Variants in AOPEP observed in about 807,000 individuals in gnomAD.
AOPEP encodes aminopeptidase O (putative), also known as aminopeptidase O.
A neutral mutation model predicts 98.1 loss-of-function variants in AOPEP; 77 were observed. The observed-to-expected ratio is 0.78, with a 90% CI of 0.65 to 0.95. The LOEUF is 0.95. Among genes scored for constraint, AOPEP ranks in the 40% least tolerant of loss-of-function variants. AOPEP has a pLI of 0.00. For missense variants in AOPEP, 1,024 were observed against 1,024.7 expected, an observed-to-expected ratio of 1.00 and a Z score of 0.01; for synonymous variants, 346 against 365.3, an observed-to-expected ratio of 0.95 and a Z score of 0.60.
At chr9:94,896,729 G>A (rs1173083348) in intron 5 of AOPEP, among the ~76,000 whole-genome samples, 1 of 152,102 alleles carries the variant, frequency 6.6e-6, no homozygotes, top group African/African-American at 2.4e-5. Context: ...CAAAATCTAG[G>A]AATGTCTGAG....
chr9:94,770,787 T>C (rs1174133425), intron 2 of AOPEP, among the ~76,000 whole-genome samples: 1 of 152,192 alleles, frequency 6.6e-6, no homozygotes, highest in Non-Finnish European at 1.5e-5. Context: ...TGTATACTTG[T>C]AGAATAAGTG....
intron 5 of AOPEP, among the ~76,000 whole-genome samples, chr9:94,894,377 C>G (rs1028078061): frequency 6.6e-6 from 1 of 152,070 alleles, no homozygotes; most frequent in Non-Finnish European, 1.5e-5. Flanking sequence ...TCATAAGTGA[C>G]AAATAGTAAC....
intron 13 of AOPEP, chr9:95,056,128 G>A (rs1282274262): frequency 6.6e-6 from 1 of 152,224 alleles, no homozygotes; most frequent in African/African-American, 2.4e-5. Context: ...AGGATAAAAG[G>A]AAATGGCATC....
intron 16 of AOPEP, chr9:95,086,128 C>T (rs910200686): frequency 2.9e-6 from 4 of 1,362,252 alleles, no homozygotes; most frequent in Non-Finnish European, 2.9e-6. Flanking sequence ...CTGTAAGTGC[C>T]CGAGGCTCAG....
At chr9:94,779,355 C>CCTCA (rs1293774771) in intron 3 of AOPEP, among the ~76,000 whole-genome samples, 1 of 152,226 alleles carries the variant, frequency 6.6e-6, no homozygotes, top group African/African-American at 2.4e-5. Flanking sequence ...CTCTCCCCAC[C>CCTCA]CTCACCTCAC....
At chr9:94,953,902 T>C (rs1169266796) in intron 7 of AOPEP, among the ~76,000 whole-genome samples, 1 of 152,176 alleles carries the variant, frequency 6.6e-6, no homozygotes. Context: ...CTTTACTAGA[T>C]GGCCCAAAGG....
the AOPEP span, among the ~76,000 whole-genome samples, chr9:95,122,397 T>C: frequency 6.6e-6 from 1 of 152,136 alleles, no homozygotes; most frequent in Admixed American, 6.5e-5. Flanking sequence ...TAGATGGCCA[T>C]CAGTTAAAAA....
intron 5 of AOPEP, among the ~76,000 whole-genome samples, chr9:94,910,323 G>C (rs1225151912): frequency 6.6e-6 from 1 of 152,196 alleles, no homozygotes; most frequent in Non-Finnish European, 1.5e-5. Context: ...CTCCAGTGCA[G>C]AAGCATCCAG....
chr9:94,829,368 A>G (rs1021587876), intron 5 of AOPEP, among the ~76,000 whole-genome samples: 1 of 152,188 alleles, frequency 6.6e-6, no homozygotes, highest in African/African-American at 2.4e-5. Flanking sequence ...AAAGTTTGAG[A>G]TCCAAAGAAG....
intron 3 of AOPEP, among the ~76,000 whole-genome samples, chr9:94,786,027 G>A (rs1844352881): frequency 6.6e-6 from 1 of 152,168 alleles, no homozygotes; most frequent in Non-Finnish European, 1.5e-5. Flanking sequence ...CAGTACACAT[G>A]TGGCAGCCAT....
chr9:94,880,709 T>C (rs1384744513), intron 5 of AOPEP, among the ~76,000 whole-genome samples: 2 of 152,250 alleles, frequency 1.3e-5, no homozygotes, highest in Non-Finnish European at 2.9e-5. Flanking sequence ...GCATATCTGC[T>C]ATCTTTTTAA....
intron 5 of AOPEP, 85 bp downstream of exon 5, chr9:94,801,087 G>A: frequency 6.8e-7 from 1 of 1,476,662 alleles, no homozygotes; most frequent in Non-Finnish European, 9.4e-7. Context: ...CTCTGTCAGA[G>A]CAGTCATTTG....
At chr9:94,908,013 G>A (rs2136371786) in intron 5 of AOPEP, among the ~76,000 whole-genome samples, 1 of 152,268 alleles carries the variant, frequency 6.6e-6, no homozygotes, top group South Asian at 2.1e-4. Context: ...GGAAGTATAA[G>A]ACACCAGGCT....
At chr9:94,877,230 C>T (rs2047052049) in intron 5 of AOPEP, among the ~76,000 whole-genome samples, 1 of 152,044 alleles carries the variant, frequency 6.6e-6, no homozygotes, top group Non-Finnish European at 1.5e-5. Context: ...CCAATAGAAG[C>T]CCATGGGGAT....
At chr9:95,145,593 T>C in the AOPEP span, 2 of 152,184 alleles carry the variant, frequency 1.3e-5, no homozygotes, top group South Asian at 2.1e-4. Flanking sequence ...ATAACAACCC[T>C]AGTAAAGAAG....
chr9:94,958,793 G>T (rs1410668961), intron 9 of AOPEP, among the ~76,000 whole-genome samples: 3 of 152,112 alleles, frequency 2.0e-5, no homozygotes, highest in Non-Finnish European at 4.4e-5. Flanking sequence ...TCAGAGATAT[G>T]ATTTTCAAAT....
chr9:95,022,424 A>G (rs1360140627), intron 13 of AOPEP: 1 of 152,082 alleles, frequency 6.6e-6, no homozygotes, highest in Non-Finnish European at 1.5e-5. Context: ...TGCAACCTCC[A>G]CCTCTTGGGT....
downstream of AOPEP, among the ~76,000 whole-genome samples, chr9:95,088,958 C>G (rs2070827365): frequency 6.6e-6 from 1 of 152,236 alleles, no homozygotes; most frequent in African/African-American, 2.4e-5. Flanking sequence ...GCCTCCAGAC[C>G]TGGGGGCACC....
At chr9:94,993,965 G>T (rs529760957) in intron 11 of AOPEP, among the ~76,000 whole-genome samples, 1 of 152,152 alleles carries the variant, frequency 6.6e-6, no homozygotes, top group Non-Finnish European at 1.5e-5. Flanking sequence ...TGCCTCCCAC[G>T]TCAGGCAGCG....
Sources: allele counts gnomAD v4.1 joint callset (sites outside exome capture counted in the v4.1 genomes callset), GRCh38; gene constraint gnomAD v4.1.1; transcripts MANE v1.5; gene names NCBI Gene and HGNC (gene_info 2026-07-23, HGNC 2026-07-21).